The following RBM47 variants were observed in gnomAD, a reference collection of about 807,000 sequenced individuals.
RBM47 encodes RNA-binding protein 47.
RBM47 carries 21 observed loss-of-function variants against 47.1 expected under a neutral mutation model. That is an observed-to-expected ratio of 0.45 (90% CI 0.32 to 0.64). The LOEUF (loss-of-function observed/expected upper bound fraction) is 0.64, where lower values mean the gene tolerates loss of function less well. Among genes scored for constraint, RBM47 ranks in the 30% least tolerant of loss-of-function variants. The pLI, the probability that RBM47 is intolerant of heterozygous loss-of-function variation, is 0.05. For missense variants in RBM47, 708 were observed against 870.9 expected, an observed-to-expected ratio of 0.81 and a Z score of 2.35; for synonymous variants, 375 against 361.7, an observed-to-expected ratio of 1.04 and a Z score of -0.42.
chr4:40,624,050 C>G (rs1158633738), intron 1 of RBM47, among the ~76,000 whole-genome samples: 1 of 152,096 alleles, frequency 6.6e-6, no homozygotes, highest in Non-Finnish European at 1.5e-5. Flanking sequence ...TGGGGTTTTG[C>G]CATGTTGCCT....
chr4:40,572,383 T>C (rs1186521950), intron 1 of RBM47, among the ~76,000 whole-genome samples: 1 of 149,374 alleles, frequency 6.7e-6, no homozygotes, highest in Admixed American at 6.6e-5. Flanking sequence ...AAAAAGGCAA[T>C]GTGGAAGCTC....
intron 3 of RBM47, among the ~76,000 whole-genome samples, chr4:40,452,840 CT>C (rs34438216): frequency 0.09 from 11,210 of 124,958 alleles, 519 homozygotes; most frequent in Middle Eastern, 0.14. Flanking sequence ...TGATTTCCTT[CT>C]TTTTTTTTTT....
chr4:40,509,816 G>A (rs1370139990), intron 2 of RBM47, among the ~76,000 whole-genome samples: 2 of 151,904 alleles, frequency 1.3e-5, no homozygotes, highest in East Asian at 3.9e-4. Flanking sequence ...CCGGGAGGCG[G>A]AGCTTGCAGT....
At chr4:40,592,953 ATATATATATATATATATATATATATATT>A (rs1734312536) in intron 1 of RBM47, among the ~76,000 whole-genome samples, 3 of 10,174 alleles carry the variant, frequency 2.9e-4, no homozygotes, top group African/African-American at 6.6e-4. Context: ...ATATATATAT[ATATATATATATATATATATATATATATT>A]TTTTTTTTTT....
chr4:40,590,660 A>C (rs990299988), intron 1 of RBM47, among the ~76,000 whole-genome samples: 1 of 152,250 alleles, frequency 6.6e-6, no homozygotes, highest in Non-Finnish European at 1.5e-5. Context: ...CAGGTGAATG[A>C]ATATACAAAA....
intron 1 of RBM47, among the ~76,000 whole-genome samples, chr4:40,627,870 T>C (rs1737884765): frequency 6.6e-6 from 1 of 152,160 alleles, no homozygotes; most frequent in South Asian, 2.1e-4. Flanking sequence ...AAAATAAATA[T>C]GTTGACTATT....
chr4:40,538,884 C>T (rs1245100959), intron 2 of RBM47, among the ~76,000 whole-genome samples: 2 of 152,156 alleles, frequency 1.3e-5, no homozygotes, highest in Admixed American at 6.6e-5. Flanking sequence ...ATCTGCCTGC[C>T]TTGGCCTCCC....
chr4:40,472,222 ATGT>A (rs904435585), intron 2 of RBM47, among the ~76,000 whole-genome samples: 1 of 152,182 alleles, frequency 6.6e-6, no homozygotes, highest in African/African-American at 2.4e-5. Context: ...TTAGTCTGAG[ATGT>A]TGTTACTACC....
chr4:40,437,060 T>G, intron 4 of RBM47, among the ~76,000 whole-genome samples: 1 of 84,796 alleles, frequency 1.2e-5, no homozygotes, highest in Non-Finnish European at 2.1e-5. Flanking sequence ...GGGAGCATGG[T>G]GAGACCCTGT....
intron 3 of RBM47, among the ~76,000 whole-genome samples, chr4:40,457,551 C>T (rs1483478767): frequency 2.0e-5 from 3 of 152,064 alleles, no homozygotes; most frequent in East Asian, 1.9e-4. Context: ...AAGTGATTTT[C>T]GTGCCTCAGC....
intron 1 of RBM47, among the ~76,000 whole-genome samples, chr4:40,592,954 TATATATATATATATATATATATATA>T (rs1409123565): frequency 4.0e-3 from 45 of 11,390 alleles, no homozygotes; most frequent in African/African-American, 8.8e-3. Context: ...TATATATATA[TATATATATATATATATATATATATA>T]TTTTTTTTTT....
intron 2 of RBM47, among the ~76,000 whole-genome samples, chr4:40,538,697 C>T (rs977836983): frequency 1.3e-5 from 2 of 151,910 alleles, no homozygotes; most frequent in African/African-American, 2.4e-5. Flanking sequence ...AGTGGAGTGG[C>T]ACAATCTTGG....
intron 1 of RBM47, among the ~76,000 whole-genome samples, chr4:40,586,097 C>T (rs758202776): frequency 6.6e-6 from 1 of 152,228 alleles, no homozygotes; most frequent in Non-Finnish European, 1.5e-5. Flanking sequence ...AGAGGGGATA[C>T]ACTTCTTGCA....
chr4:40,623,028 A>AG (rs936246287), intron 1 of RBM47, among the ~76,000 whole-genome samples: 1 of 152,210 alleles, frequency 6.6e-6, no homozygotes, highest in African/African-American at 2.4e-5. Flanking sequence ...CAATGGAGAA[A>AG]GGGCAAGACC....
chr4:40,578,172 T>C lies in RBM47; in HGVS notation c.-239-33666A>G, dbSNP rs536684731. On this transcript the variant is annotated intron_variant, in intron 1 of 6. Transcript: ENST00000295971. ...AAGAAATAACACCAAATTTCTTAAA[T>C]GGGCCAGTTTCAAATCTTTAATTGG... Among the ~76,000 whole-genome samples the C allele has an allele frequency of 1.7e-3, 257 of 152,302 alleles. 1 individual carries two copies. The highest frequency in any genetic ancestry group is 5.8e-3 in the African/African-American group (243 of 41,566).
chr4:40,585,798 G>A (rs531108425), intron 1 of RBM47, among the ~76,000 whole-genome samples: 23 of 152,324 alleles, frequency 1.5e-4, no homozygotes, highest in Admixed American at 7.8e-4. Flanking sequence ...AGCATCTGTC[G>A]TTCACTGCTG....
intron 2 of RBM47, among the ~76,000 whole-genome samples, chr4:40,472,726 A>G (rs1424386920): frequency 6.6e-6 from 1 of 152,178 alleles, no homozygotes; most frequent in African/African-American, 2.4e-5. Flanking sequence ...ATAAACAAGT[A>G]TAGAATTTAG....
chr4:40,594,577 T>C (rs1460087633), intron 1 of RBM47, among the ~76,000 whole-genome samples: 1 of 152,180 alleles, frequency 6.6e-6, no homozygotes, highest in Non-Finnish European at 1.5e-5. Context: ...TCTCTCCCTC[T>C]ATTTCACTTC....
rs573196392 is a variant in RBM47 at position 40,629,776 on chromosome 4, C to G, written c.-620G>C. ...GTTCTCTCGGGCTCAGCTCCCGAGG[C>G]CGGGAGCGCGCGGCGGTTCCACCCG... is the stretch of plus-strand genomic sequence containing the variant. On this transcript the variant is annotated 5_prime_UTR_variant, in exon 1 of 7. Transcript: ENST00000295971. 13 of 152,340 alleles carry G rather than the reference C, an allele frequency of 8.5e-5. No homozygotes were observed. Among genetic ancestry groups the G allele is most frequent in the African/African-American group, 3.1e-4 (13 of 41,578 alleles). The allele number at this position is 152,340 out of a possible 1,614,324, so 9.4% of individuals were successfully genotyped here.
Sources: allele counts gnomAD v4.1 joint callset (sites outside exome capture counted in the v4.1 genomes callset), GRCh38; gene constraint gnomAD v4.1.1; transcripts MANE v1.5; gene names NCBI Gene and HGNC (gene_info 2026-07-23, HGNC 2026-07-21).